TBC1D14: variants seen among roughly 807,000 people sequenced by gnomAD.
TBC1D14 encodes TBC1 domain family member 14.
A neutral mutation model predicts 79.0 loss-of-function variants in TBC1D14; 26 were observed. The ratio of observed to expected loss-of-function variants is 0.33; its 90% CI spans 0.24 to 0.46. TBC1D14 has a LOEUF of 0.46. Ranked by LOEUF, TBC1D14 falls within the 20% of genes least tolerant of loss-of-function variation. The pLI, the probability that TBC1D14 is intolerant of heterozygous loss-of-function variation, is 1.00. For synonymous variants in TBC1D14, 394 were observed against 349.9 expected (o/e 1.13, Z -1.40); for missense variants, 769 against 887.6 (o/e 0.87, Z 1.70).
chr4:6,963,565 C>T (rs939380702), intron 2 of TBC1D14, among the ~76,000 whole-genome samples: 3 of 152,182 alleles, frequency 2.0e-5, no homozygotes, highest in African/African-American at 7.2e-5. Flanking sequence ...CTTGGCCTCC[C>T]GGGCCCGGCC....
intron 11 of TBC1D14, among the ~76,000 whole-genome samples, chr4:7,012,478 A>G (rs1720877073): frequency 6.6e-6 from 1 of 152,156 alleles, no homozygotes; most frequent in African/African-American, 2.4e-5. Flanking sequence ...TGGACAAAGC[A>G]TTATGCACAA....
At chr4:6,946,159 T>C (rs1262908816) in intron 2 of TBC1D14, among the ~76,000 whole-genome samples, 1 of 152,108 alleles carries the variant, frequency 6.6e-6, no homozygotes, top group Non-Finnish European at 1.5e-5. Context: ...TTTCCGGTCA[T>C]CAGGAACTAT....
chr4:6,910,219 C>T (rs377202511), intron 1 of TBC1D14: 1 of 151,896 alleles, frequency 6.6e-6, no homozygotes, highest in Non-Finnish European at 1.5e-5. Flanking sequence ...GAGGCGCGCG[C>T]TGTGTCCCGC....
intron 5 of TBC1D14, among the ~76,000 whole-genome samples, chr4:6,998,188 T>C (rs1453177791): frequency 1.3e-5 from 2 of 152,032 alleles, no homozygotes; most frequent in African/African-American, 4.8e-5. Context: ...GGTAAAACCC[T>C]GTCTCTACTA....
At chr4:6,963,422 G>C (rs1199112368) in intron 2 of TBC1D14, among the ~76,000 whole-genome samples, 2 of 152,372 alleles carry the variant, frequency 1.3e-5, no homozygotes, top group Middle Eastern at 3.4e-3. Flanking sequence ...AGACAGCACA[G>C]ATGTTGAAGG....
intron 12 of TBC1D14, among the ~76,000 whole-genome samples, chr4:7,021,109 T>C (rs1369528219): frequency 6.6e-6 from 1 of 152,216 alleles, no homozygotes. Flanking sequence ...CCATGGTGCT[T>C]CCTTGCCTCT....
chr4:7,006,277 G>A (rs571237940), intron 8 of TBC1D14, among the ~76,000 whole-genome samples: 2 of 151,074 alleles, frequency 1.3e-5, no homozygotes, highest in East Asian at 2.0e-4. Flanking sequence ...AGTGATATAT[G>A]TGTGTGTGTG....
rs375763398 is a variant in TBC1D14 at position 7,027,202 on chromosome 4, C to T, written c.2016+1940C>T. The stretch of plus-strand genomic sequence containing the variant: ...CTCCAGCCTGGGCAATAGAGTGAGA[C>T]TCCATCTCAAAAAAACCCCAAAAAA... On this transcript the variant is annotated intron_variant, in intron 13 of 13. Transcript: ENST00000409757. Among the ~76,000 whole-genome samples the T allele has an allele frequency of 6.4e-4, 97 of 152,084 alleles. 1 individual carries two copies. The South Asian group carries it at 0.019, about 30-fold the overall frequency.
At chr4:7,014,300 G>A (rs893703272) in intron 11 of TBC1D14, 148 bp from the exon 12 acceptor site, 2 of 582,252 alleles carry the variant, frequency 3.4e-6, no homozygotes, top group Non-Finnish European at 3.1e-6. Flanking sequence ...AATTTGAATA[G>A]TACCTACAAT....
chr4:7,006,459 C>G (rs1043767098), intron 8 of TBC1D14, among the ~76,000 whole-genome samples, 173 bp from the exon 9 acceptor site: 3 of 152,152 alleles, frequency 2.0e-5, no homozygotes, highest in Admixed American at 2.0e-4. Flanking sequence ...CTCTAAGAAA[C>G]CCTGCAATCT....
chr4:7,019,446 C>G (rs546907770), intron 12 of TBC1D14, among the ~76,000 whole-genome samples: 1 of 152,156 alleles, frequency 6.6e-6, no homozygotes, highest in Non-Finnish European at 1.5e-5. Context: ...CCCACGAGTG[C>G]CTTAGGAGCC....
intron 2 of TBC1D14, among the ~76,000 whole-genome samples, chr4:6,966,603 G>C (rs1333611816): frequency 1.3e-5 from 2 of 152,150 alleles, no homozygotes; most frequent in African/African-American, 4.8e-5. Context: ...AGAACATGGG[G>C]CAGTGTGCCC....
chr4:6,975,284 C>G (rs1199712636), intron 3 of TBC1D14, among the ~76,000 whole-genome samples: 1 of 152,208 alleles, frequency 6.6e-6, no homozygotes, highest in East Asian at 1.9e-4. Flanking sequence ...TCTCAGCTCA[C>G]TGCAACATCT....
At chr4:7,004,335 G>A (rs1719971539) in intron 7 of TBC1D14, among the ~76,000 whole-genome samples, 1 of 152,204 alleles carries the variant, frequency 6.6e-6, no homozygotes, top group African/African-American at 2.4e-5. Flanking sequence ...CTGCTTCACT[G>A]CCAGGCAGCA....
In TBC1D14 at chr4:6,994,264, A is replaced by T; in HGVS notation, c.924A>T (p.Pro308=). 1 of 1,614,154 alleles carries T rather than the reference A, an allele frequency of 6.2e-7. No individual in the cohort carries two copies. Among genetic ancestry groups the T allele is most frequent in the South Asian group, 1.1e-5 (1 of 91,082 alleles). ...QNVRKNLDFE[P]LSTTALILED... Reference sequence around the variant, plus strand: ...TGAGGAAGAATCTTGACTTTGAACCACTTTCCACCACCGCACTCATCCTCG... The same window carrying T: ...TGAGGAAGAATCTTGACTTTGAACCTCTTTCCACCACCGCACTCATCCTCG... Residue 308 remains proline, a synonymous_variant, in exon 4 of 14, where the codon CCA becomes CCT. Coordinates refer to ENST00000409757, the MANE Select transcript of TBC1D14 (RefSeq NM_020773.3).
rs1486020931 is a variant in TBC1D14, at chr4:6,967,497, T to C, written c.843+73T>C. 13 of 1,546,392 alleles carry C rather than the reference T, an allele frequency of 8.4e-6. No homozygotes were observed. In the East Asian group the frequency reaches 2.7e-4, roughly 33 times the overall value. On this transcript the variant is annotated intron_variant, in intron 3 of 13. Coordinates refer to ENST00000409757, the MANE Select transcript of TBC1D14 (RefSeq NM_020773.3). ...CATATATTCATGAACCTTGCAAAAA[T>C]GACCATATTGAGTCTGAAACTGGAA... is the stretch of plus-strand genomic sequence containing the variant.
At chr4:7,015,276 A>G (rs994612588) in intron 12 of TBC1D14, among the ~76,000 whole-genome samples, 1 of 152,104 alleles carries the variant, frequency 6.6e-6, no homozygotes, top group East Asian at 1.9e-4. Flanking sequence ...AGAGAGACCA[A>G]TTAAGGGGGA....
chr4:6,966,328 C>A (rs1217544233), intron 2 of TBC1D14, among the ~76,000 whole-genome samples: 5 of 152,186 alleles, frequency 3.3e-5, no homozygotes, highest in African/African-American at 1.2e-4. Flanking sequence ...TGATACAGTG[C>A]ATTCCAAAAT....
In TBC1D14 at chr4:6,923,788, A is replaced by G. The variant is rs757440529; in HGVS notation, c.399A>G (p.Thr133=). Reference sequence around the variant, plus strand: ...GCAAATCCTCCACGTTTCCCAGGACAGGCTATGACTCGGTAAAGCTCTATA... The same window carrying G: ...GCAAATCCTCCACGTTTCCCAGGACGGGCTATGACTCGGTAAAGCTCTATA... The part of the protein sequence containing the change: ...SVRKSSTFPR[T]GYDSVKLYSP... Residue 133 remains threonine (T), a synonymous_variant, in exon 2 of 14, where the codon ACA becomes ACG. Transcript: ENST00000409757. 33 of 1,614,002 alleles carry G rather than the reference A, an allele frequency of 2.0e-5. No individual in the cohort carries two copies. The highest frequency in any genetic ancestry group is 2.6e-5 in the Non-Finnish European group (31 of 1,180,044).
Sources: allele counts gnomAD v4.1 joint callset (sites outside exome capture counted in the v4.1 genomes callset), GRCh38; gene constraint gnomAD v4.1.1; transcripts MANE v1.5; gene names NCBI Gene and HGNC (gene_info 2026-07-23, HGNC 2026-07-21).